The following NRDE2 variants were observed in gnomAD, a reference collection of about 807,000 sequenced individuals.
NRDE2 encodes the protein NRDE-2, necessary for RNA interference, domain containing.
A neutral mutation model predicts 124.2 loss-of-function variants in NRDE2; 76 were observed. The observed-to-expected ratio is 0.61, with a 90% CI of 0.51 to 0.74. The LOEUF is 0.74. NRDE2 is among the 30% of genes least tolerant of loss of function. The probability of loss-of-function intolerance (pLI) is 0.00; values close to 1 mark genes in which losing one functional copy is unlikely to be tolerated. For missense variants in NRDE2, 1,314 were observed against 1,417.3 expected, an observed-to-expected ratio of 0.93 and a Z score of 1.17; for synonymous variants, 489 against 528.1, an observed-to-expected ratio of 0.93 and a Z score of 1.01.
At chr14:90,326,479 C>T (rs1353235738) in intron 1 of NRDE2, among the ~76,000 whole-genome samples, 3 of 131,424 alleles carry the variant, frequency 2.3e-5, no homozygotes, top group East Asian at 2.2e-4. Context: ...CCGGCCTGGG[C>T]GACAGAGCGA....
At chr14:90,287,938 A>T (rs1272700291) in intron 11 of NRDE2, among the ~76,000 whole-genome samples, 1 of 152,094 alleles carries the variant, frequency 6.6e-6, no homozygotes, top group Non-Finnish European at 1.5e-5. Context: ...CATTCCCGTG[A>T]TCTGACAGCC....
intron 8 of NRDE2, among the ~76,000 whole-genome samples, chr14:90,296,878 T>G (rs1005999461): frequency 1.3e-5 from 2 of 152,032 alleles, no homozygotes; most frequent in Non-Finnish European, 2.9e-5. Context: ...GTGGCTCACA[T>G]CGGAAATCCC....
At chr14:90,314,926 T>C (rs1212925298) in intron 3 of NRDE2, among the ~76,000 whole-genome samples, 1 of 151,836 alleles carries the variant, frequency 6.6e-6, no homozygotes, top group Non-Finnish European at 1.5e-5. Flanking sequence ...TCCCAGCACT[T>C]TGGGAGGCAG....
chr14:90,278,650 G>A (rs1316387316), intron 13 of NRDE2, 189 bp from the exon 14 acceptor site: 3 of 623,792 alleles, frequency 4.8e-6, no homozygotes, highest in Non-Finnish European at 5.5e-6. Context: ...CACTGAACTC[G>A]CAAAAGTGAG....
Position 90,269,980 on chromosome 14 carries a change from A to T in NRDE2, c.*8356T>A, listed in dbSNP as rs1425056051. On this transcript the variant is annotated 3_prime_UTR_variant, in exon 14 of 14. Transcript: ENST00000354366. Reference sequence around the variant, plus strand: ...GCTCCTTTCATTTATTTCTGAAGGTACCAAAGCAGAGAGAGTTTCTTTTAA... The same window carrying T: ...GCTCCTTTCATTTATTTCTGAAGGTTCCAAAGCAGAGAGAGTTTCTTTTAA... 8 of 536,784 alleles carry T rather than the reference A, an allele frequency of 1.5e-5. No homozygotes were observed. Among genetic ancestry groups the T allele is most frequent in the Non-Finnish European group, 2.3e-5 (7 of 309,550 alleles). The allele number at this position is 536,784 out of a possible 1,614,324, so 33.3% of individuals were successfully genotyped here. A position where few individuals can be genotyped will look rare whatever the true frequency, so the allele number is the denominator to read the frequency against.
chr14:90,313,129 T>C (rs1884908622), intron 3 of NRDE2, among the ~76,000 whole-genome samples: 2 of 146,724 alleles, frequency 1.4e-5, no homozygotes, highest in Admixed American at 6.8e-5. Flanking sequence ...ATTTTTTTTT[T>C]TTTTTTTTTT....
At chr14:90,327,183 C>A (rs1473962702) in intron 1 of NRDE2, among the ~76,000 whole-genome samples, 3 of 152,174 alleles carry the variant, frequency 2.0e-5, no homozygotes, top group African/African-American at 7.2e-5. Flanking sequence ...CAACTCCAGG[C>A]CACAAGAGAA....
intron 1 of NRDE2, among the ~76,000 whole-genome samples, chr14:90,330,212 A>AAAAAAAT (rs1566705511): frequency 6.2e-5 from 8 of 128,264 alleles, no homozygotes; most frequent in African/African-American, 2.1e-4. Context: ...GTCTCAAAAA[A>AAAAAAAT]AAAAATAAAT....
intron 12 of NRDE2, 105 bp downstream of exon 12, chr14:90,286,249 A>G (rs530376647): frequency 1.5e-6 from 2 of 1,308,802 alleles, no homozygotes; most frequent in South Asian, 3.1e-5. Flanking sequence ...ATGGCCTCCC[A>G]GCTCTCCTGG....
chr14:90,283,991 A>G (rs911170153), intron 12 of NRDE2, among the ~76,000 whole-genome samples: 5 of 152,086 alleles, frequency 3.3e-5, no homozygotes, highest in African/African-American at 1.2e-4. Flanking sequence ...GATTACAGGC[A>G]TGAGCCACCA....
chr14:90,288,801 G>A lies in NRDE2; in HGVS notation c.2574C>T (p.Pro858=), dbSNP rs151274632. Residue 858 remains proline (P), a synonymous_variant, in exon 11 of 14, where the codon CCC becomes CCT. Transcript: ENST00000354366. ...HILTKLTESS[P]YGPYTGQVLA... ...ACACCTGTCCAGTGTAGGGCCCATA[G>A]GGGCTGCTCTCAGTCAGCTTGGTTA... 10,606 of 1,614,136 alleles carry A rather than the reference G, an allele frequency of 6.6e-3. 75 individuals are homozygous for A. The highest frequency in any genetic ancestry group is 7.5e-3 in the Non-Finnish European group (8,891 of 1,180,030).
chr14:90,292,887 G>A lies in NRDE2; in HGVS notation c.1667-15C>T. 1.2e-6 allele frequency: 2 copies of A among 1,607,320 alleles called. No homozygotes were observed. Among genetic ancestry groups the A allele is most frequent in the South Asian group, 1.1e-5 (1 of 90,904 alleles). ...GTCATCCTCATCTAGACAAGAATGA[G>A]ACTTCTTCACCTCATCAGCAAATAA... is the stretch of plus-strand genomic sequence containing the variant. On this transcript the variant is annotated splice_polypyrimidine_tract_variant and intron_variant, in intron 8 of 13. Transcript: ENST00000354366.
Position 90,304,169 on chromosome 14 carries a change from C to T in NRDE2, c.771G>A (p.Lys257=). The change falls in exon 5 of 14, where the codon AAG becomes AAA. Residue 257 remains lysine (K), a synonymous_variant. Transcript: ENST00000354366. ...TAACAGGAGCCGCATCTTCCAAGTC[C>T]TTCACTGGTATAAAGGAGATGGGCT... ...SSEPISFIPV[K]DLEDAAPVTT... 6.2e-7 allele frequency: 1 copy of T among 1,614,204 alleles called. No homozygotes were observed. Among genetic ancestry groups the T allele is most frequent in the Admixed American group, 1.7e-5 (1 of 60,024 alleles).
rs770460709 is a variant in NRDE2 at position 90,316,673 on chromosome 14, C to T, written c.312G>A (p.Pro104=). The T allele has an allele frequency of 3.0e-5, 48 of 1,613,986 alleles. No homozygotes were observed. Among genetic ancestry groups the T allele is most frequent in the Non-Finnish European group, 3.6e-5 (42 of 1,179,994 alleles). Residue 104 remains proline (P), a synonymous_variant, in exon 3 of 14, where the codon CCG becomes CCA. Coordinates refer to ENST00000354366, the MANE Select transcript of NRDE2 (RefSeq NM_017970.4). ...CTGTCTCAGACCTGCTGCTACTCGA[C>T]GGCCCATGCTTCCTCTTTGTTTTCT... ...HHKKTKRKHG[P]SSSSRSETDT...
rs1490611883 is a variant in NRDE2 at position 90,273,607 on chromosome 14, TA to T, written c.*4728del. The T allele has an allele frequency of 6.6e-6, 1 of 152,418 alleles. No homozygotes were observed. Among genetic ancestry groups the T allele is most frequent in the Non-Finnish European group, 1.5e-5 (1 of 68,190 alleles). 9.4% of individuals were successfully genotyped at this position (152,418 alleles called of 1,614,324 possible). ...AAACCACAATTTTATCTCAGTTCTG[TA>T]GGTCAGAAGTCCAACACGAGTGTCT... is the stretch of plus-strand genomic sequence containing the variant. On this transcript the variant is annotated 3_prime_UTR_variant, in exon 14 of 14. Transcript: ENST00000354366.
chr14:90,269,390 T>TTC lies in NRDE2; in HGVS notation c.*8945_*8946insGA. On this transcript the variant is annotated 3_prime_UTR_variant, in exon 14 of 14. Coordinates refer to ENST00000354366, the MANE Select transcript of NRDE2 (RefSeq NM_017970.4). Reference sequence around the variant, plus strand: ...TCTTCATTCCTTCCCTTTTTTTTTTTCCAAAGATATGACTCCAATTCTGGT... The same window carrying TTC: ...TCTTCATTCCTTCCCTTTTTTTTTTTTCCCAAAGATATGACTCCAATTCTGGT... 2 of 1,595,870 alleles carry TTC rather than the reference T, an allele frequency of 1.3e-6. No homozygotes were observed. The highest frequency in any genetic ancestry group is 1.7e-6 in the Non-Finnish European group (2 of 1,174,108).
chr14:90,307,925 T>C (rs1284392663), intron 4 of NRDE2, among the ~76,000 whole-genome samples: 1 of 152,146 alleles, frequency 6.6e-6, no homozygotes, highest in Non-Finnish European at 1.5e-5. Flanking sequence ...TCAGCTTATT[T>C]TTTGTAGAGA....
rs914488829 is a variant in NRDE2, at chr14:90,274,349, G to A, written c.*3987C>T. ...TGAGGAAGGCATCTGCAGGGACGGG[G>A]TGGTGGCAGGGGAGGGAGGCTGCTT... On this transcript the variant is annotated 3_prime_UTR_variant, in exon 14 of 14. Coordinates refer to ENST00000354366, the MANE Select transcript of NRDE2 (RefSeq NM_017970.4). 6.4e-6 allele frequency: 1 copy of A among 155,570 alleles called. No homozygotes were observed. The highest frequency in any genetic ancestry group is 1.5e-5 in the Non-Finnish European group (1 of 68,656). The allele number at this position is 155,570 out of a possible 1,614,324, so 9.6% of individuals were successfully genotyped here. A position where few individuals can be genotyped will look rare whatever the true frequency, so the allele number is the denominator to read the frequency against.
In NRDE2 at chr14:90,270,626, G is replaced by T; in HGVS notation, c.*7710C>A. ...CTTAGGCCCAGGTGACTTTCTCAAG[G>T]TGTGTCAAATGTAGCTGCTCAGTCC... On this transcript the variant is annotated 3_prime_UTR_variant, in exon 14 of 14. Transcript: ENST00000354366. 1 of 310,832 alleles carries T rather than the reference G, an allele frequency of 3.2e-6. No homozygotes were observed. Among genetic ancestry groups the T allele is most frequent in the Non-Finnish European group, 5.9e-6 (1 of 168,694 alleles). The allele number at this position is 310,832 out of a possible 1,614,324, so 19.3% of individuals were successfully genotyped here.
Sources: allele counts gnomAD v4.1 joint callset (sites outside exome capture counted in the v4.1 genomes callset), GRCh38; gene constraint gnomAD v4.1.1; transcripts MANE v1.5; gene names NCBI Gene and HGNC (gene_info 2026-07-23, HGNC 2026-07-21).